RAB11FIP2: variants seen among roughly 807,000 people sequenced by gnomAD.
The protein encoded by RAB11FIP2 is RAB11 family interacting protein 2.
RAB11FIP2 carries 16 observed loss-of-function variants against 40.9 expected under a neutral mutation model. The observed-to-expected ratio is 0.39, with a 90% CI of 0.26 to 0.59. RAB11FIP2 has a LOEUF of 0.59. Ranked by LOEUF, RAB11FIP2 falls within the 20% of genes least tolerant of loss-of-function variation. The pLI is 0.53. For synonymous variants in RAB11FIP2, 228 were observed against 213.7 expected (o/e 1.07, Z -0.58); for missense variants, 532 against 606.2 (o/e 0.88, Z 1.28).
At chr10:118,029,947 T>A (rs1846393112) in intron 3 of RAB11FIP2, among the ~76,000 whole-genome samples, 1 of 152,146 alleles carries the variant, frequency 6.6e-6, no homozygotes, top group South Asian at 2.1e-4. Flanking sequence ...GGGCATAACA[T>A]GTAAAAACCA....
chr10:118,046,038 C>T lies in RAB11FIP2; in HGVS notation c.126G>A (p.Leu42=). The change falls in exon 1 of 5, where the codon CTG becomes CTA. Residue 42 remains leucine, a synonymous_variant. Coordinates refer to ENST00000355624, the MANE Select transcript of RAB11FIP2 (RefSeq NM_014904.3). ...CAGAGGTGGAGTACTTTTCCTTGCCCAGCTGAATTATAGTGTATGTGTCAT... is the reference window on the plus strand; with the variant it reads ...CAGAGGTGGAGTACTTTTCCTTGCCTAGCTGAATTATAGTGTATGTGTCAT... ...GTNDTYTIIQ[L]GKEKYSTSVA... 6.2e-7 allele frequency: 1 copy of T among 1,614,198 alleles called. No homozygotes were observed. The highest frequency in any genetic ancestry group is 1.1e-5 in the South Asian group (1 of 91,086).
rs1564695191 is a variant in RAB11FIP2, at chr10:118,040,288, G to GT, written c.630dup (p.Pro211ThrfsTer20). The GT allele has an allele frequency of 6.2e-7, 1 of 1,613,852 alleles. No homozygotes were observed. Among genetic ancestry groups the GT allele is most frequent in the South Asian group, 1.1e-5 (1 of 91,076 alleles). The stretch of plus-strand genomic sequence containing the variant: ...GGACCCAAGAGAAAAGGCTTTTTTG[G>GT]TTTGGATTTCATCTGTATTTCACCA... On this transcript the variant is annotated frameshift_variant, in exon 2 of 5. Coordinates refer to ENST00000355624, the MANE Select transcript of RAB11FIP2 (RefSeq NM_014904.3). LOFTEE classifies it high-confidence loss of function.
At chr10:118,015,025 CT>C in intron 4 of RAB11FIP2, 39 bp downstream of exon 4, 1 of 1,540,724 alleles carries the variant, frequency 6.5e-7, no homozygotes, top group African/African-American at 1.4e-5. Flanking sequence ...AAAAGACCAG[CT>C]TACTCTTTGA....
intron 3 of RAB11FIP2, among the ~76,000 whole-genome samples, chr10:118,023,775 CA>C (rs1846308990): frequency 6.6e-6 from 1 of 152,084 alleles, no homozygotes; most frequent in East Asian, 1.9e-4. Context: ...TTATAATAGT[CA>C]ATCAAGTCTA....
intron 3 of RAB11FIP2, among the ~76,000 whole-genome samples, chr10:118,026,628 C>T (rs1352708356): frequency 2.6e-5 from 4 of 152,178 alleles, no homozygotes; most frequent in Non-Finnish European, 5.9e-5. Context: ...GAACTGCCTT[C>T]TTTAACAATC....
At position 118,028,991 on chromosome 10, in the gene RAB11FIP2, TA is replaced by T. The variant is rs199730881; in HGVS notation, c.1265+9980del. Among the ~76,000 whole-genome samples the T allele has an allele frequency of 1.0e-4, 15 of 144,334 alleles. No individual in the cohort carries two copies. The South Asian group carries it at 1.5e-3, about 15-fold the overall frequency. 94.7% of individuals were successfully genotyped at this position (144,334 alleles called of 152,430 possible). A position where few individuals can be genotyped will look rare whatever the true frequency, so the allele number is the denominator to read the frequency against. On this transcript the variant is annotated intron_variant, in intron 3 of 4. Coordinates refer to ENST00000355624, the MANE Select transcript of RAB11FIP2 (RefSeq NM_014904.3). ...TTCAAAACACCTAATTCCTAGTCTC[TA>T]AAAAAAAAACTAAAATAATATAGCA...
At chr10:118,018,170 T>C (rs988690573) in intron 3 of RAB11FIP2, 63 of 152,378 alleles carry the variant, frequency 4.1e-4, no homozygotes, top group African/African-American at 1.5e-3. Context: ...ATTCACACAC[T>C]GACGTGTCAA....
Position 118,046,147 on chromosome 10 carries a change from T to G in RAB11FIP2, c.17A>C (p.Gln6Pro). Residue 6 changes from glutamine to proline, a missense_variant, in exon 1 of 5, where the codon CAA (glutamine) becomes CCA (proline). Physicochemically the swap from Gln to Pro is moderately conservative, Grantham distance 76. Coordinates refer to ENST00000355624, the MANE Select transcript of RAB11FIP2 (RefSeq NM_014904.3). ...GTGGGTTGGAAACCACTTTTGGGCTTGCTCGGACAGCATCATCCTGTCCTG... is the reference window on the plus strand; with the variant it reads ...GTGGGTTGGAAACCACTTTTGGGCTGGCTCGGACAGCATCATCCTGTCCTG... MMLSE[Q>P]AQKWFPTHVQ... 1 of 1,613,932 alleles carries G rather than the reference T, an allele frequency of 6.2e-7. No homozygotes were observed. The highest frequency in any genetic ancestry group is 8.5e-7 in the Non-Finnish European group (1 of 1,179,948).
intron 3 of RAB11FIP2, among the ~76,000 whole-genome samples, chr10:118,019,798 C>T (rs896365376): frequency 1.3e-4 from 20 of 150,364 alleles, no homozygotes; most frequent in African/African-American, 4.2e-4. Context: ...TGCACTCCAA[C>T]CTGGGGGAAG....
At chr10:118,013,223 A>AG (rs1414724929) in intron 4 of RAB11FIP2, among the ~76,000 whole-genome samples, 2 of 151,396 alleles carry the variant, frequency 1.3e-5, no homozygotes, top group Non-Finnish European at 3.0e-5. Flanking sequence ...GGAGAGAGAG[A>AG]AAAAAAAATG....
rs1286941508 is a variant in RAB11FIP2, at chr10:118,040,405, T to G, written c.514A>C (p.Lys172Gln). ...SPFAKLKDKMKGRKNDGTFSD... is the reference protein window; with the variant it reads ...SPFAKLKDKMQGRKNDGTFSD... The stretch of plus-strand genomic sequence containing the variant: ...AATGTTCCATCATTTTTTCTACCCT[T>G]CATCTTATCTTTTAACTTTGCAAAA... Residue 172 changes from lysine to glutamine, a missense_variant, in exon 2 of 5, where the codon AAG becomes CAG. By Grantham distance (53) the Lys-to-Gln change is moderately conservative (BLOSUM62 1). Transcript: ENST00000355624. 1 of 1,613,886 alleles carries G rather than the reference T, an allele frequency of 6.2e-7. No homozygotes were observed. The highest frequency in any genetic ancestry group is 8.5e-7 in the Non-Finnish European group (1 of 1,179,800).
In RAB11FIP2 at chr10:118,005,723, T is replaced by C. The variant is rs1384448947; in HGVS notation, c.*3275A>G. Reference sequence around the variant, plus strand: ...GGAAAATAAAAGCTCTAGTGTAACATTTACTGTAGATATATTAGACAACAG... The same window carrying C: ...GGAAAATAAAAGCTCTAGTGTAACACTTACTGTAGATATATTAGACAACAG... On this transcript the variant is annotated 3_prime_UTR_variant, in exon 5 of 5. Coordinates refer to ENST00000355624, the MANE Select transcript of RAB11FIP2 (RefSeq NM_014904.3). 1 of 152,202 alleles carries C rather than the reference T, an allele frequency of 6.6e-6. No individual in the cohort carries two copies. The highest frequency in any genetic ancestry group is 1.5e-5 in the Non-Finnish European group (1 of 68,012). 9.4% of individuals were successfully genotyped at this position (152,202 alleles called of 1,614,324 possible).
rs1299027980 is a variant in RAB11FIP2, at chr10:118,046,408, G to T, written c.-245C>A. ...GCCCACCATCACCTGGCCGCGCCGT[G>T]CAGGCCTCTGCGCGGACCCCCGCCC... On this transcript the variant is annotated 5_prime_UTR_variant, in exon 1 of 5. Coordinates refer to ENST00000355624, the MANE Select transcript of RAB11FIP2 (RefSeq NM_014904.3). 7.8e-6 allele frequency: 4 copies of T among 511,568 alleles called. No individual in the cohort carries two copies. The East Asian group carries it at 1.3e-4, about 16-fold the overall frequency. The allele number at this position is 511,568 out of a possible 1,614,324, so 31.7% of individuals were successfully genotyped here.
chr10:118,027,898 ATGGTCAAG>A (rs1306891577), intron 3 of RAB11FIP2, among the ~76,000 whole-genome samples: 1 of 152,140 alleles, frequency 6.6e-6, no homozygotes, highest in Non-Finnish European at 1.5e-5. Flanking sequence ...ATGATGTTCC[ATGGTCAAG>A]ATCAAGCTCA....
At chr10:118,037,575 C>A (rs1447197840) in intron 3 of RAB11FIP2, among the ~76,000 whole-genome samples, 1 of 151,968 alleles carries the variant, frequency 6.6e-6, no homozygotes, top group East Asian at 1.9e-4. Context: ...TATTTGGGGC[C>A]TGGCTTTGTA....
At chr10:118,012,020 T>C (rs1846161802) in intron 4 of RAB11FIP2, among the ~76,000 whole-genome samples, 1 of 151,982 alleles carries the variant, frequency 6.6e-6, no homozygotes, top group African/African-American at 2.4e-5. Context: ...CTATTACCAG[T>C]TAATGTAGTT....
At chr10:118,035,442 G>T (rs1453534645) in intron 3 of RAB11FIP2, among the ~76,000 whole-genome samples, 6 of 152,110 alleles carry the variant, frequency 3.9e-5, no homozygotes, top group Non-Finnish European at 2.9e-5. Flanking sequence ...TTATGGATCT[G>T]TTTTCAGTCT....
At chr10:118,022,859 T>C (rs1846297338) in intron 3 of RAB11FIP2, among the ~76,000 whole-genome samples, 1 of 151,988 alleles carries the variant, frequency 6.6e-6, no homozygotes, top group Non-Finnish European at 1.5e-5. Flanking sequence ...AAAACCGGGG[T>C]GAGTTGACTG....
rs1846090299 is a variant in RAB11FIP2 at position 118,006,346 on chromosome 10, G to A, written c.*2652C>T. 2 of 152,450 alleles carry A rather than the reference G, an allele frequency of 1.3e-5. No homozygotes were observed. The highest frequency in any genetic ancestry group is 6.6e-5 in the Admixed American group (1 of 15,250). The allele number at this position is 152,450 out of a possible 1,614,324, so 9.4% of individuals were successfully genotyped here. A position where few individuals can be genotyped will look rare whatever the true frequency, so the allele number is the denominator to read the frequency against. ...GTGATTTTAAAAAATCCTCTTGTTG[G>A]TAGTAGTGTTTTGGGCATGCATTCT... On this transcript the variant is annotated 3_prime_UTR_variant, in exon 5 of 5. Coordinates refer to ENST00000355624, the MANE Select transcript of RAB11FIP2 (RefSeq NM_014904.3).
Sources: gnomAD v4.1 joint callset for allele counts (sites outside exome capture counted in the v4.1 genomes callset) on GRCh38, gnomAD v4.1.1 for gene constraint, MANE v1.5 for transcripts, NCBI Gene and HGNC (gene_info 2026-07-23, HGNC 2026-07-21) for gene names.